PRKN: variants seen among roughly 807,000 people sequenced by gnomAD.
The protein encoded by PRKN is E3 ubiquitin-protein ligase parkin.
PRKN carries 56 observed loss-of-function variants against 59.5 expected under a neutral mutation model. The ratio of observed to expected loss-of-function variants is 0.94; its 90% confidence interval spans 0.76 to 1.18. The LOEUF (loss-of-function observed/expected upper bound fraction) is 1.18, where lower values mean the gene tolerates loss of function less well. Ranked by LOEUF, PRKN falls within the 50% of genes most tolerant of loss-of-function variation. PRKN has a pLI of 0.00. For synonymous variants in PRKN, 250 were observed against 222.1 expected, an observed-to-expected ratio of 1.13 and a Z score of -1.12; for missense variants, 657 against 596.4, an observed-to-expected ratio of 1.10 and a Z score of -1.06.
At chr6:162,680,940 G>T (rs1181600530) in intron 1 of PRKN, among the ~76,000 whole-genome samples, 1 of 152,014 alleles carries the variant, frequency 6.6e-6, no homozygotes, top group Non-Finnish European at 1.5e-5. Context: ...ATTGGAAAAG[G>T]CACCATTATA....
At chr6:161,657,108 GTTCT>G (rs1784376314) in intron 7 of PRKN, among the ~76,000 whole-genome samples, 1 of 152,252 alleles carries the variant, frequency 6.6e-6, no homozygotes, top group South Asian at 2.1e-4. Context: ...GTGCACAACA[GTTCT>G]TTATTATCAT....
At chr6:162,376,828 G>A (rs1272201896) in intron 2 of PRKN, among the ~76,000 whole-genome samples, 10 of 91,744 alleles carry the variant, frequency 1.1e-4, no homozygotes, top group East Asian at 4.4e-4. Flanking sequence ...AACAGGGAGA[G>A]GGAGAGGGAG....
chr6:162,016,743 A>G (rs149181325), intron 5 of PRKN, among the ~76,000 whole-genome samples: 1 of 152,242 alleles, frequency 6.6e-6, no homozygotes, highest in Admixed American at 6.5e-5. Flanking sequence ...CAAGCATGCC[A>G]TGGAGTCCTA....
chr6:161,790,971 G>T (rs906405991), intron 6 of PRKN, among the ~76,000 whole-genome samples: 1 of 152,110 alleles, frequency 6.6e-6, no homozygotes, highest in African/African-American at 2.4e-5. Context: ...GAAGAAGAAC[G>T]GGTGACATTT....
intron 2 of PRKN, among the ~76,000 whole-genome samples, chr6:162,311,037 T>C (rs1475379627): frequency 1.3e-5 from 2 of 152,062 alleles, no homozygotes; most frequent in East Asian, 1.9e-4. Flanking sequence ...GTAACTGAAA[T>C]AGTGAAAACA....
intron 7 of PRKN, among the ~76,000 whole-genome samples, chr6:161,742,368 C>T (rs1437269236): frequency 6.6e-6 from 1 of 152,182 alleles, no homozygotes; most frequent in Non-Finnish European, 1.5e-5. Flanking sequence ...GATTGTGAGG[C>T]TTCTCCAGCC....
intron 1 of PRKN, among the ~76,000 whole-genome samples, chr6:162,452,813 G>A (rs1790688660): frequency 6.6e-6 from 1 of 152,054 alleles, no homozygotes; most frequent in Non-Finnish European, 1.5e-5. Context: ...TGGACAGAGG[G>A]AAGTGGGTCC....
intron 8 of PRKN, among the ~76,000 whole-genome samples, chr6:161,567,780 C>T (rs1206412462): frequency 1.3e-5 from 2 of 152,116 alleles, no homozygotes; most frequent in African/African-American, 4.8e-5. Flanking sequence ...CCCATGGACT[C>T]TAAAACAAAA....
intron 1 of PRKN, among the ~76,000 whole-genome samples, chr6:162,621,342 C>A (rs1434709287): frequency 1.3e-5 from 2 of 152,186 alleles, no homozygotes; most frequent in South Asian, 4.1e-4. Context: ...AGGAATCCTG[C>A]TGCCAAGAGA....
rs982169411 is a variant in PRKN at position 161,529,107 on chromosome 6, C to A, written c.1083+19747G>T. ...TTATGTCTATGAGATATACGAGCCA[C>A]AACCACAGACTCTACGCTGCGTTCC... On this transcript the variant is annotated intron_variant, in intron 9 of 11. Transcript: ENST00000366898. The surrounding 1 kb of genome is among the most constrained non-coding windows in gnomAD (Gnocchi z 4.4). Among the ~76,000 whole-genome samples, 1 of 152,230 alleles carries A rather than the reference C, an allele frequency of 6.6e-6. No homozygotes were observed. Among genetic ancestry groups the A allele is most frequent in the African/African-American group, 2.4e-5 (1 of 41,454 alleles).
intron 7 of PRKN, among the ~76,000 whole-genome samples, chr6:161,670,092 C>A (rs1045554011): frequency 6.6e-6 from 1 of 152,160 alleles, no homozygotes; most frequent in Non-Finnish European, 1.5e-5. Flanking sequence ...CAATTTTGAC[C>A]TCATAACTTC....
intron 1 of PRKN, among the ~76,000 whole-genome samples, chr6:162,601,573 C>T (rs903384447): frequency 6.6e-6 from 1 of 152,050 alleles, no homozygotes; most frequent in Admixed American, 6.5e-5. Context: ...TCCCTTTCCT[C>T]GAACCCTCTT....
At chr6:162,402,634 A>G (rs182545028) in intron 2 of PRKN, among the ~76,000 whole-genome samples, 1 of 148,794 alleles carries the variant, frequency 6.7e-6, no homozygotes, top group East Asian at 2.0e-4. Context: ...TTTCCTTGTC[A>G]TATATATATA....
At chr6:161,725,332 T>C (rs1229060858) in intron 7 of PRKN, among the ~76,000 whole-genome samples, 1 of 152,204 alleles carries the variant, frequency 6.6e-6, no homozygotes, top group Non-Finnish European at 1.5e-5. Context: ...CACTAGATCA[T>C]AAATTGATTG....
intron 7 of PRKN, among the ~76,000 whole-genome samples, chr6:161,645,423 G>T (rs1326133052): frequency 6.6e-6 from 1 of 152,112 alleles, no homozygotes; most frequent in African/African-American, 2.4e-5. Flanking sequence ...TTAATCATTG[G>T]GATAAATGAT....
chr6:162,492,421 T>C (rs1792858062), intron 1 of PRKN, among the ~76,000 whole-genome samples: 1 of 152,172 alleles, frequency 6.6e-6, no homozygotes, highest in Non-Finnish European at 1.5e-5. Flanking sequence ...CTCTCTTGTC[T>C]CACAGGTCCC....
Position 161,545,813 on chromosome 6 carries a change from G to C in PRKN, c.1083+3041C>G, listed in dbSNP as rs1779774576. Among the ~76,000 whole-genome samples the C allele has an allele frequency of 6.6e-6, 1 of 152,202 alleles. No homozygotes were observed. Among genetic ancestry groups the C allele is most frequent in the African/African-American group, 2.4e-5 (1 of 41,458 alleles). ...ACATCCTTAAAGGCAACTTTCCTCA[G>C]GACAAGCATAAATGTGCCTGGTACT... On this transcript the variant is annotated intron_variant, in intron 9 of 11. Coordinates refer to ENST00000366898, the MANE Select transcript of PRKN (RefSeq NM_004562.3). This position sits in a 1 kb window ranked among gnomAD's most constrained non-coding sequence, Gnocchi z 4.1.
chr6:162,692,341 A>G (rs1777806731), intron 1 of PRKN, among the ~76,000 whole-genome samples: 2 of 152,146 alleles, frequency 1.3e-5, no homozygotes, highest in Non-Finnish European at 2.9e-5. Context: ...AGCTCCTGGG[A>G]TATAACCTCT....
chr6:162,598,407 A>C (rs931685970), intron 1 of PRKN, among the ~76,000 whole-genome samples: 1 of 152,240 alleles, frequency 6.6e-6, no homozygotes, highest in Non-Finnish European at 1.5e-5. Context: ...CTGTGAATAC[A>C]GAAGTGAAAA....
Sources: gnomAD v4.1 joint callset for allele counts (sites outside exome capture counted in the v4.1 genomes callset) on GRCh38, gnomAD v4.1.1 for gene constraint, Gnocchi (gnomAD v3.1) non-coding constraint, MANE v1.5 for transcripts, NCBI Gene and HGNC (gene_info 2026-07-23, HGNC 2026-07-21) for gene names.